The following ATP7B variants were observed in gnomAD, a reference collection of about 807,000 sequenced individuals.
ATP7B encodes the protein ATPase copper transporting beta.
ATP7B carries 113 observed loss-of-function variants against 118.9 expected under a neutral mutation model. The ratio of observed to expected loss-of-function variants is 0.95; its 90% CI spans 0.82 to 1.11. The LOEUF (loss-of-function observed/expected upper bound fraction) is 1.11. ATP7B is among the 50% of genes most tolerant of loss of function. The pLI is 0.00. For synonymous variants in ATP7B, 777 were observed against 727.4 expected (o/e 1.07, Z -1.10); for missense variants, 1,867 against 1,871.4 (o/e 1.00, Z 0.04).
chr13:51,959,554 A>G (rs1958595574), intron 7 of ATP7B: 2 of 153,214 alleles, frequency 1.3e-5, no homozygotes, highest in South Asian at 4.1e-4. Context: ...GCTTGCCCCC[A>G]AATAGCCCCT....
intron 1 of ATP7B, among the ~76,000 whole-genome samples, chr13:51,988,761 A>G (rs1952778466): frequency 6.6e-6 from 1 of 152,186 alleles, no homozygotes; most frequent in South Asian, 2.1e-4. Flanking sequence ...TTGCAGGGAC[A>G]TGGATGAAGC....
intron 1 of ATP7B, among the ~76,000 whole-genome samples, chr13:51,983,968 C>T (rs1952537872): frequency 6.6e-6 from 1 of 152,100 alleles, no homozygotes; most frequent in African/African-American, 2.4e-5. Flanking sequence ...ACCAGCGCAA[C>T]AAGCCTGAAA....
At chr13:51,963,771 C>A (rs114065385) in intron 5 of ATP7B, among the ~76,000 whole-genome samples, 1 of 148,440 alleles carries the variant, frequency 6.7e-6, no homozygotes, top group African/African-American at 2.5e-5. Flanking sequence ...TCTCCAAGGC[C>A]GGGCACAGTG....
chr13:51,960,720 G>C (rs1281423419), intron 6 of ATP7B, among the ~76,000 whole-genome samples: 1 of 152,148 alleles, frequency 6.6e-6, no homozygotes, highest in African/African-American at 2.4e-5. Context: ...GAAAAAAATA[G>C]ATAAAAGCAG....
rs767154748 is a variant in ATP7B at position 51,942,568 on chromosome 13, AAG to A, written c.3244-16_3244-15del. 4.3e-6 allele frequency: 7 copies of A among 1,613,862 alleles called. No individual in the cohort carries two copies. The highest frequency in any genetic ancestry group is 5.1e-6 in the Non-Finnish European group (6 of 1,179,964). ...TGTTCCAAGTTCCTGGGAAGGTGGA[AAG>A]AGAGGAAGAGGAAACTGTAAGCCAA... On this transcript the variant is annotated splice_polypyrimidine_tract_variant and intron_variant, in intron 14 of 20. Coordinates refer to ENST00000242839, the MANE Select transcript of ATP7B (RefSeq NM_000053.4).
At chr13:51,968,628 C>T (rs2139898877) in intron 3 of ATP7B, 21 bp from the exon 4 acceptor site, 2 of 1,613,762 alleles carry the variant, frequency 1.2e-6, no homozygotes, top group African/African-American at 2.7e-5. Context: ...CAGGTCATGG[C>T]TGTAACACTC....
chr13:52,011,529 C>T (rs948964088), upstream of ATP7B: 1 of 689,720 alleles, frequency 1.4e-6, no homozygotes, highest in African/African-American at 1.8e-5. Flanking sequence ...AAGCCGCAGC[C>T]CTCTTCACAC....
At position 51,970,591 on chromosome 13, in the gene ATP7B, T is replaced by A; in HGVS notation, c.1444A>T (p.Thr482Ser). ...PDILAKSPQSTRAVAPQKCFL... is the reference protein window; with the variant it reads ...PDILAKSPQSSRAVAPQKCFL... ...CACTTCTGCGGTGCCACTGCTCTGG[T>A]TGATTGTGGGGACTTTGCCAAGATG... is the stretch of plus-strand genomic sequence containing the variant. Residue 482 changes from threonine (T) to serine (S), a missense_variant, in exon 3 of 21, where the codon ACC becomes TCC. Physicochemically the swap from Thr to Ser is moderately conservative, Grantham distance 58. Coordinates refer to ENST00000242839, the MANE Select transcript of ATP7B (RefSeq NM_000053.4). 6.2e-7 allele frequency: 1 copy of A among 1,614,070 alleles called. No homozygotes were observed. Among genetic ancestry groups the A allele is most frequent in the Non-Finnish European group, 8.5e-7 (1 of 1,180,008 alleles).
chr13:51,936,220 C>T (rs1337211258), intron 19 of ATP7B, among the ~76,000 whole-genome samples: 2 of 152,166 alleles, frequency 1.3e-5, no homozygotes, highest in African/African-American at 2.4e-5. Context: ...GGCAGAGGCA[C>T]ATACACTGGG....
Position 51,970,553 on chromosome 13 carries a change from G to A in ATP7B, c.1482C>T (p.Ile494=). The stretch of plus-strand genomic sequence containing the variant: ...CACAGGATGCACAGGTCATGCCTTT[G>A]ATCTGTAAGAAGCACTTCTGCGGTG... ...AVAPQKCFLQ[I]KGMTCASCVS... is the part of the protein sequence containing the mutation. The change falls in exon 3 of 21, where the codon ATC becomes ATT. Residue 494 remains isoleucine, a synonymous_variant. Transcript: ENST00000242839. 1 of 1,614,150 alleles carries A rather than the reference G, an allele frequency of 6.2e-7. No individual in the cohort carries two copies. The highest frequency in any genetic ancestry group is 1.3e-5 in the African/African-American group (1 of 75,044).
At position 51,946,364 on chromosome 13, in the gene ATP7B, C is replaced by T; in HGVS notation, c.2980G>A (p.Ala994Thr). 1 of 1,613,252 alleles carries T rather than the reference C, an allele frequency of 6.2e-7. No homozygotes were observed. The highest frequency in any genetic ancestry group is 8.5e-7 in the Non-Finnish European group (1 of 1,179,856). Residue 994 changes from alanine (A) to threonine (T), a missense_variant, in exon 13 of 21, where the codon GCT (alanine) becomes ACT (threonine). Ala to Thr is a moderately conservative substitution (Grantham distance 58, BLOSUM62 0). Coordinates refer to ENST00000242839, the MANE Select transcript of ATP7B (RefSeq NM_000053.4). ...GCCACCCCGGTGCCCACCATGACAG[C>T]CGTGGGCGTGGCCAGCCCCAGGGAG... ...PCSLGLATPT[A>T]VMVGTGVAAQ... is the part of the protein sequence containing the mutation.
chr13:51,966,801 T>C lies in ATP7B; in HGVS notation c.1707+1643A>G, dbSNP rs1257655941. 6.8e-6 allele frequency: 11 copies of C among 1,611,130 alleles called. No individual in the cohort carries two copies. The South Asian group carries it at 8.8e-5, about 13-fold the overall frequency. The stretch of plus-strand genomic sequence containing the variant: ...GCCTGCTGGACAGCAAAGGCTTTGA[T>C]GAATACATGAAGGAGCTAGGAGTGG... On this transcript the variant is annotated intron_variant, in intron 4 of 20. Transcript: ENST00000242839.
chr13:51,937,423 G>T, intron 18 of ATP7B, 30 bp from the exon 19 acceptor site: 1 of 1,614,156 alleles, frequency 6.2e-7, no homozygotes, highest in South Asian at 1.1e-5. Flanking sequence ...AGTGAGGAAG[G>T]GGTCTGCCCA....
chr13:51,946,416 G>A lies in ATP7B; in HGVS notation c.2928C>T (p.Ile976=). ...VIIRFAFQTS[I]TVLCIACPCS... Reference sequence around the variant, plus strand: ...AGGGGCAGGCAATGCACAGCACCGTGATGGACGTCTGGAAAGCAAACCGGA... The same window carrying A: ...AGGGGCAGGCAATGCACAGCACCGTAATGGACGTCTGGAAAGCAAACCGGA... Residue 976 remains isoleucine, a synonymous_variant, in exon 13 of 21, where the codon ATC becomes ATT. Coordinates refer to ENST00000242839, the MANE Select transcript of ATP7B (RefSeq NM_000053.4). 3.7e-6 allele frequency: 6 copies of A among 1,614,198 alleles called. No homozygotes were observed. The highest frequency in any genetic ancestry group is 2.5e-6 in the Non-Finnish European group (3 of 1,180,050).
chr13:51,956,892 C>T (rs1233910097), intron 9 of ATP7B, among the ~76,000 whole-genome samples: 1 of 152,124 alleles, frequency 6.6e-6, no homozygotes, highest in African/African-American at 2.4e-5. Context: ...ATCCCAATTC[C>T]ATTACTGAAT....
chr13:51,975,022 G>A lies in ATP7B; in HGVS notation c.198C>T (p.Gly66=), dbSNP rs1952036487. The A allele has an allele frequency of 6.2e-7, 1 of 1,614,086 alleles. No homozygotes were observed. The highest frequency in any genetic ancestry group is 1.7e-5 in the Admixed American group (1 of 60,012). The change falls in exon 2 of 21, where the codon GGC becomes GGT. Residue 66 remains glycine, a synonymous_variant. Transcript: ENST00000242839. ...ACTTCACACATGACTGGCAAGTCAT[G>A]CCCAAGATCCTGACTGTGCTGGTGG... ...QVATSTVRIL[G]MTCQSCVKSI...
At chr13:51,948,638 G>A (rs1957807907) in intron 12 of ATP7B, among the ~76,000 whole-genome samples, 1 of 152,088 alleles carries the variant, frequency 6.6e-6, no homozygotes. Context: ...AGGATGTTTA[G>A]CAGCATCCCC....
At chr13:51,939,224 C>T (rs74085875) in intron 16 of ATP7B, 31 bp from the exon 17 acceptor site, 4 of 1,610,688 alleles carry the variant, frequency 2.5e-6, no homozygotes, top group South Asian at 2.2e-5. Context: ...TCAGCAGCTA[C>T]ACAAGTTGGG....
chr13:52,006,552 C>A (rs1422770529), intron 1 of ATP7B, among the ~76,000 whole-genome samples: 1 of 152,168 alleles, frequency 6.6e-6, no homozygotes, highest in African/African-American at 2.4e-5. Flanking sequence ...TGGATGGGGA[C>A]GATCATTTCC....
Sources: allele counts gnomAD v4.1 joint callset (sites outside exome capture counted in the v4.1 genomes callset), GRCh38; gene constraint gnomAD v4.1.1; transcripts MANE v1.5; gene names NCBI Gene and HGNC (gene_info 2026-07-23, HGNC 2026-07-21).